The following ASB3 variants were observed in gnomAD, a reference collection of about 807,000 sequenced individuals.
ASB3 encodes the protein ankyrin repeat and SOCS box protein 3.
A neutral mutation model predicts 54.5 loss-of-function variants in ASB3; 41 were observed. The ratio of observed to expected loss-of-function variants is 0.75; its 90% CI spans 0.59 to 0.98. The LOEUF (loss-of-function observed/expected upper bound fraction) is 0.98. Ranked by LOEUF, ASB3 falls within the 50% of genes least tolerant of loss-of-function variation. The probability of loss-of-function intolerance (pLI) is 0.00; values close to 1 mark genes in which losing one functional copy is unlikely to be tolerated. For synonymous variants in ASB3, 266 were observed against 221.2 expected, an observed-to-expected ratio of 1.20 and a Z score of -1.80; for missense variants, 733 against 620.0, an observed-to-expected ratio of 1.18 and a Z score of -1.94.
chr2:53,704,203 T>A (rs369099654), intron 7 of ASB3, among the ~76,000 whole-genome samples: 64 of 151,404 alleles, frequency 4.2e-4, no homozygotes, highest in African/African-American at 1.5e-3. Flanking sequence ...CTACTAAAAA[T>A]ACAAAAATTA....
chr2:53,725,083 A>G (rs1240512759), intron 5 of ASB3, among the ~76,000 whole-genome samples: 1 of 152,258 alleles, frequency 6.6e-6, no homozygotes, highest in Non-Finnish European at 1.5e-5. Flanking sequence ...CAGTAGATGT[A>G]CACCATGGAA....
At chr2:53,705,096 T>G (rs1053527629) in intron 7 of ASB3, among the ~76,000 whole-genome samples, 3 of 152,218 alleles carry the variant, frequency 2.0e-5, no homozygotes, top group Non-Finnish European at 4.4e-5. Context: ...TGCTATGTTC[T>G]ATTTTATAGA....
Position 53,728,724 on chromosome 2 carries a change from G to A in ASB3, c.592C>T (p.Leu198Phe). 2 of 1,605,158 alleles carry A rather than the reference G, an allele frequency of 1.2e-6. No homozygotes were observed. The highest frequency in any genetic ancestry group is 1.7e-6 in the Non-Finnish European group (2 of 1,175,802). ...TGGATAATCTTACCCGATGAAATAA[G>A]TATGCTCAAGCTTTCTAGCTTGCCA... ...QYGKLESLSI[L>F]ISSGANVNCQ... The change falls in exon 5 of 10, where the codon CTT (leucine) becomes TTT (phenylalanine). Residue 198 changes from leucine (L) to phenylalanine (F), a missense_variant. Transcript: ENST00000263634.
intron 3 of ASB3, among the ~76,000 whole-genome samples, chr2:53,738,198 C>T (rs1671749585): frequency 6.6e-6 from 1 of 152,086 alleles, no homozygotes; most frequent in African/African-American, 2.4e-5. Flanking sequence ...TGACTTTTAC[C>T]ATCCTATTGA....
chr2:53,678,616 A>T (rs187799176), intron 9 of ASB3, among the ~76,000 whole-genome samples: 2 of 152,288 alleles, frequency 1.3e-5, no homozygotes, highest in East Asian at 3.9e-4. Context: ...CATGCACCCG[A>T]CTTTGGGAAA....
chr2:53,715,975 C>T (rs1030530201), intron 6 of ASB3, among the ~76,000 whole-genome samples: 4 of 151,968 alleles, frequency 2.6e-5, no homozygotes. Flanking sequence ...GATAGGTAGC[C>T]ATATTCTCAC....
chr2:53,714,080 A>G (rs1249650879), intron 7 of ASB3, among the ~76,000 whole-genome samples: 1 of 152,152 alleles, frequency 6.6e-6, no homozygotes, highest in Non-Finnish European at 1.5e-5. Flanking sequence ...TAATTCTTGA[A>G]TTGTTTTGAA....
chr2:53,735,476 G>C (rs987577126), intron 3 of ASB3, among the ~76,000 whole-genome samples: 13 of 118,068 alleles, frequency 1.1e-4, no homozygotes, highest in Non-Finnish European at 2.2e-4. Context: ...ACTGAGAAAA[G>C]CAAAGATCTA....
Position 53,698,385 on chromosome 2 carries a change from C to T in ASB3, c.1238+1886G>A, listed in dbSNP as rs376781203. ...GTTGGGTTCCTCTCCTGAAAATTCT[C>T]TTTCATTCTTTTCCACACAGCCAGG... On this transcript the variant is annotated intron_variant, in intron 8 of 9. Coordinates refer to ENST00000263634, the MANE Select transcript of ASB3 (RefSeq NM_016115.5). 9.5e-4 allele frequency among the ~76,000 whole-genome samples: 145 copies of T among 152,288 alleles called. 1 individual carries two copies. In the South Asian group the frequency reaches 0.028, roughly 29 times the overall value.
intron 7 of ASB3, among the ~76,000 whole-genome samples, chr2:53,707,745 T>C (rs965441752): frequency 1.7e-4 from 26 of 151,104 alleles, no homozygotes; most frequent in African/African-American, 6.1e-4. Context: ...GCAGATCACT[T>C]GAGCTTACGA....
intron 1 of ASB3, chr2:53,767,829 CCGGCGGCG>C: frequency 6.4e-7 from 1 of 1,553,178 alleles, no homozygotes; most frequent in Non-Finnish European, 8.7e-7. Flanking sequence ...GCTTCAGTCC[CCGGCGGCG>C]CGGCGACAGC....
intron 2 of ASB3, among the ~76,000 whole-genome samples, chr2:53,752,407 C>A (rs555092999): frequency 6.6e-6 from 1 of 152,260 alleles, no homozygotes; most frequent in African/African-American, 2.4e-5. Context: ...AGGTTCCCAC[C>A]CCACAGATTG....
At chr2:53,690,584 G>C (rs369173618) in intron 9 of ASB3, among the ~76,000 whole-genome samples, 30 of 152,050 alleles carry the variant, frequency 2.0e-4, no homozygotes, top group African/African-American at 6.8e-4. Context: ...TATGAACCCA[G>C]TCACCTAGTG....
intron 9 of ASB3, among the ~76,000 whole-genome samples, chr2:53,674,760 A>T (rs7557799): frequency 0.55 from 83,184 of 151,954 alleles, 23,500 homozygotes; most frequent in African/African-American, 0.68. Flanking sequence ...TCTCGTTGGT[A>T]TCCATCCTTT....
At chr2:53,696,552 C>G (rs1669192410) in intron 8 of ASB3, among the ~76,000 whole-genome samples, 2 of 152,090 alleles carry the variant, frequency 1.3e-5, no homozygotes, top group South Asian at 2.1e-4. Context: ...TTAGGTTTTT[C>G]CTAATTTAGG....
intron 7 of ASB3, among the ~76,000 whole-genome samples, chr2:53,705,237 C>G (rs1024073057): frequency 6.6e-6 from 1 of 152,162 alleles, no homozygotes; most frequent in Non-Finnish European, 1.5e-5. Flanking sequence ...TGACTACTTA[C>G]TGAAAATCTA....
chr2:53,674,666 G>T (rs574937020), intron 9 of ASB3, among the ~76,000 whole-genome samples: 54 of 152,096 alleles, frequency 3.6e-4, no homozygotes, highest in African/African-American at 1.3e-3. Flanking sequence ...TGGTTCCTTT[G>T]AAATGTTTTG....
chr2:53,745,477 T>G (rs1405127132), intron 3 of ASB3, among the ~76,000 whole-genome samples: 3 of 152,198 alleles, frequency 2.0e-5, no homozygotes, highest in African/African-American at 7.2e-5. Flanking sequence ...GTTGGTGAGC[T>G]CTGTGTAAAG....
chr2:53,683,709 T>C (rs557965349), intron 9 of ASB3, among the ~76,000 whole-genome samples: 19 of 152,214 alleles, frequency 1.2e-4, no homozygotes, highest in South Asian at 4.1e-4. Flanking sequence ...TCTTGGAAGA[T>C]TGTATGTGTC....
Sources: allele counts gnomAD v4.1 joint callset (sites outside exome capture counted in the v4.1 genomes callset), GRCh38; gene constraint gnomAD v4.1.1; transcripts MANE v1.5; gene names NCBI Gene and HGNC (gene_info 2026-07-23, HGNC 2026-07-21).